TMEM117: variants seen among roughly 807,000 people sequenced by gnomAD.
TMEM117 encodes the protein transmembrane protein 117.
A neutral mutation model predicts 52.4 loss-of-function variants in TMEM117; 27 were observed. The observed-to-expected ratio is 0.51, with a 90% CI of 0.38 to 0.71. TMEM117 has a LOEUF of 0.71. TMEM117 is among the 30% of genes least tolerant of loss of function. The probability of loss-of-function intolerance (pLI) is 0.00; values close to 1 mark genes in which losing one functional copy is unlikely to be tolerated. For synonymous variants in TMEM117, 215 were observed against 206.3 expected (o/e 1.04, Z -0.36); for missense variants, 556 against 630.5 (o/e 0.88, Z 1.26).
intron 3 of TMEM117, among the ~76,000 whole-genome samples, chr12:44,069,536 C>T (rs1000105246): frequency 3.9e-5 from 6 of 152,098 alleles, no homozygotes; most frequent in Admixed American, 2.0e-4. Flanking sequence ...GAATGGACCA[C>T]GTCTGGGAAG....
chr12:44,058,934 G>A (rs1398609939), intron 3 of TMEM117, among the ~76,000 whole-genome samples: 1 of 152,176 alleles, frequency 6.6e-6, no homozygotes, highest in Non-Finnish European at 1.5e-5. Flanking sequence ...CGGTTTTATG[G>A]AAGACAATTT....
chr12:43,967,788 A>G lies in TMEM117; in HGVS notation c.410+23446A>G, dbSNP rs532328341. 4.6e-5 allele frequency among the ~76,000 whole-genome samples: 7 copies of G among 152,338 alleles called. 1 individual carries two copies. In the East Asian group the frequency reaches 9.6e-4, roughly 21 times the overall value. Reference sequence around the variant, plus strand: ...AATGCTTTCTGTTTTAAACTGATACATTTGGTGATAATTTATTCCCTAGCA... The same window carrying G: ...AATGCTTTCTGTTTTAAACTGATACGTTTGGTGATAATTTATTCCCTAGCA... On this transcript the variant is annotated intron_variant, in intron 3 of 7. Transcript: ENST00000266534.
chr12:43,859,357 G>A (rs1565722105), intron 2 of TMEM117, among the ~76,000 whole-genome samples: 1 of 152,158 alleles, frequency 6.6e-6, no homozygotes, highest in Non-Finnish European at 1.5e-5. Flanking sequence ...TAGACTGGCA[G>A]CAGGAAAGAG....
intron 6 of TMEM117, among the ~76,000 whole-genome samples, chr12:44,313,607 A>G (rs934364595): frequency 3.3e-5 from 5 of 152,202 alleles, no homozygotes; most frequent in Non-Finnish European, 5.9e-5. Context: ...TTTTGGTTCA[A>G]TATGAGTTTT....
intron 5 of TMEM117, among the ~76,000 whole-genome samples, chr12:44,237,854 G>T (rs1950017213): frequency 2.0e-5 from 3 of 152,134 alleles, no homozygotes; most frequent in Admixed American, 6.5e-5. Context: ...TTACATCAGG[G>T]CACAGATGAA....
At chr12:44,120,363 C>T (rs1384031410) in intron 3 of TMEM117, among the ~76,000 whole-genome samples, 3 of 152,108 alleles carry the variant, frequency 2.0e-5, no homozygotes, top group Admixed American at 6.5e-5. Context: ...TTTTTTCCTG[C>T]ATTATATACT....
At chr12:44,081,046 TA>T (rs1460328187) in intron 3 of TMEM117, among the ~76,000 whole-genome samples, 5 of 152,236 alleles carry the variant, frequency 3.3e-5, no homozygotes, top group African/African-American at 1.2e-4. Context: ...ACTTTTGTAC[TA>T]ATATTATGAA....
At chr12:44,254,406 T>C (rs1950233010) in intron 5 of TMEM117, among the ~76,000 whole-genome samples, 1 of 151,984 alleles carries the variant, frequency 6.6e-6, no homozygotes, top group South Asian at 2.1e-4. Flanking sequence ...AACCTCATTA[T>C]TGATAACACA....
At chr12:43,845,544 A>T (rs889924339) in intron 2 of TMEM117, among the ~76,000 whole-genome samples, 5 of 150,718 alleles carry the variant, frequency 3.3e-5, no homozygotes, top group South Asian at 4.2e-4. Flanking sequence ...TTTTATTTTT[A>T]AAATTTTTTT....
chr12:44,087,419 C>A (rs1947588523), intron 3 of TMEM117, among the ~76,000 whole-genome samples: 1 of 151,172 alleles, frequency 6.6e-6, no homozygotes, highest in Non-Finnish European at 1.5e-5. Flanking sequence ...TTTTTTCTTA[C>A]CATTCTTTCT....
chr12:44,072,819 C>T (rs1398530809), intron 3 of TMEM117, among the ~76,000 whole-genome samples: 2 of 152,166 alleles, frequency 1.3e-5, no homozygotes, highest in African/African-American at 4.8e-5. Flanking sequence ...CGGCCAGGCA[C>T]TGTGGCTCAC....
intron 5 of TMEM117, among the ~76,000 whole-genome samples, chr12:44,214,770 C>T (rs1231270200): frequency 3.9e-5 from 6 of 151,952 alleles, no homozygotes; most frequent in Non-Finnish European, 5.9e-5. Flanking sequence ...TCCATTTTAT[C>T]CATTTCTATA....
chr12:44,284,205 A>T (rs557636472), intron 5 of TMEM117, among the ~76,000 whole-genome samples: 3 of 152,174 alleles, frequency 2.0e-5, no homozygotes, highest in African/African-American at 7.2e-5. Context: ...CCAGCTACTC[A>T]GGAGGCTGAG....
intron 4 of TMEM117, among the ~76,000 whole-genome samples, chr12:44,202,506 G>A (rs1169443475): frequency 2.0e-5 from 3 of 152,130 alleles, no homozygotes; most frequent in Non-Finnish European, 2.9e-5. Context: ...ACTTGATTGT[G>A]GCGGATTAGC....
the TMEM117 span, chr12:43,805,884 C>T: frequency 6.9e-7 from 1 of 1,453,884 alleles, no homozygotes; most frequent in South Asian, 1.1e-5. Context: ...CCCAGCTCTT[C>T]CCTACGTGAC....
At chr12:44,222,092 G>C (rs902903893) in intron 5 of TMEM117, among the ~76,000 whole-genome samples, 1 of 152,150 alleles carries the variant, frequency 6.6e-6, no homozygotes, top group African/African-American at 2.4e-5. Context: ...GGTCTCAACT[G>C]TTCATTTAGC....
intron 6 of TMEM117, among the ~76,000 whole-genome samples, chr12:44,345,451 T>G (rs1004419700): frequency 7.2e-5 from 11 of 152,130 alleles, no homozygotes; most frequent in African/African-American, 2.7e-4. Context: ...CTCTCTGAGA[T>G]GAGTGCATAT....
intron 2 of TMEM117, among the ~76,000 whole-genome samples, chr12:43,936,139 G>A (rs1443788282): frequency 6.6e-6 from 1 of 152,128 alleles, no homozygotes; most frequent in African/African-American, 2.4e-5. Flanking sequence ...AGATCTATTG[G>A]CTCTGTGGTG....
intron 3 of TMEM117, among the ~76,000 whole-genome samples, chr12:44,051,369 A>G (rs1946969249): frequency 6.6e-6 from 1 of 152,218 alleles, no homozygotes; most frequent in Non-Finnish European, 1.5e-5. Flanking sequence ...GAACAACAGT[A>G]GCAAAAACTA....
Sources: gnomAD v4.1 joint callset for allele counts (sites outside exome capture counted in the v4.1 genomes callset) on GRCh38, gnomAD v4.1.1 for gene constraint, MANE v1.5 for transcripts, NCBI Gene and HGNC (gene_info 2026-07-23, HGNC 2026-07-21) for gene names.